The following CCT6B variants were observed in gnomAD, a reference collection of about 807,000 sequenced individuals.
CCT6B encodes probable T-complex protein 1 subunit zeta-2.
Under a neutral mutation model 61.5 loss-of-function variants are expected in CCT6B, and 49 were observed. That is an observed-to-expected ratio of 0.80 (90% confidence interval 0.63 to 1.01). CCT6B has a LOEUF of 1.01. Ranked by LOEUF, CCT6B falls within the 50% of genes least tolerant of loss-of-function variation. CCT6B has a pLI of 0.00. For missense variants in CCT6B, 666 were observed against 634.7 expected, an observed-to-expected ratio of 1.05 and a Z score of -0.53; for synonymous variants, 228 against 214.5, an observed-to-expected ratio of 1.06 and a Z score of -0.55.
intron 7 of CCT6B, among the ~76,000 whole-genome samples, chr17:34,941,873 C>T (rs527736708): frequency 4.6e-5 from 7 of 152,106 alleles, no homozygotes; most frequent in Admixed American, 2.0e-4. Context: ...CCAGCCTCTA[C>T]GAAAAAACTT....
intron 7 of CCT6B, 41 bp downstream of exon 7, chr17:34,942,443 G>C: frequency 5.3e-6 from 8 of 1,517,850 alleles, no homozygotes; most frequent in Non-Finnish European, 7.1e-6. Flanking sequence ...AAATGCTTAA[G>C]AACATTTACA....
chr17:34,931,090 T>G, intron 11 of CCT6B, 39 bp from the exon 12 acceptor site: 1 of 663,750 alleles, frequency 1.5e-6, no homozygotes, highest in Non-Finnish European at 2.2e-6. Flanking sequence ...TATATATATA[T>G]GCATAATACC....
chr17:34,961,119 C>T, intron 1 of CCT6B, 138 bp downstream of exon 1: 1 of 1,101,090 alleles, frequency 9.1e-7, no homozygotes, highest in Middle Eastern at 3.1e-4. Context: ...GCGAGAAATA[C>T]CCCCAGAGCA....
At chr17:34,932,345 T>G (rs2090044423) in intron 11 of CCT6B, 22 bp downstream of exon 11, 1 of 1,586,380 alleles carries the variant, frequency 6.3e-7, no homozygotes, top group Non-Finnish European at 8.5e-7. Context: ...CAGTTGTTAT[T>G]TGGCCGAAAG....
intron 7 of CCT6B, 57 bp downstream of exon 7, chr17:34,942,427 T>C: frequency 6.9e-7 from 1 of 1,452,932 alleles, no homozygotes; most frequent in Non-Finnish European, 9.3e-7. Flanking sequence ...CAGACCACAC[T>C]TCAAGAAATG....
chr17:34,942,753 A>C, intron 6 of CCT6B, 43 bp downstream of exon 6: 2 of 1,507,376 alleles, frequency 1.3e-6, no homozygotes, highest in South Asian at 1.2e-5. Flanking sequence ...AAACACCTTT[A>C]GAAAAAAAAA....
intron 2 of CCT6B, 52 bp downstream of exon 2, chr17:34,959,535 G>T (rs1403334998): frequency 8.0e-6 from 10 of 1,253,716 alleles, no homozygotes; most frequent in Non-Finnish European, 1.2e-5. Context: ...GTTCTACTAT[G>T]CTTCTAATTA....
At chr17:34,937,709 T>C (rs890161425) in intron 10 of CCT6B, among the ~76,000 whole-genome samples, 4 of 152,052 alleles carry the variant, frequency 2.6e-5, no homozygotes, top group African/African-American at 9.7e-5. Flanking sequence ...AATAATAAAT[T>C]AGACTTCATC....
chr17:34,951,191 A>G (rs755445049), intron 5 of CCT6B, among the ~76,000 whole-genome samples: 2 of 152,174 alleles, frequency 1.3e-5, no homozygotes, highest in Non-Finnish European at 2.9e-5. Context: ...GACAAATTAG[A>G]CTATAAACTG....
Position 34,959,340 on chromosome 17 carries a change from A to C in CCT6B, c.201+247T>G, listed in dbSNP as rs192744372. Among the ~76,000 whole-genome samples, 689 of 133,236 alleles carry C rather than the reference A, an allele frequency of 5.2e-3. 4 individuals are homozygous for C. The highest frequency in any genetic ancestry group is 0.017 in the African/African-American group (607 of 35,078). 87.4% of individuals were successfully genotyped at this position (133,236 alleles called of 152,430 possible). A position where few individuals can be genotyped will look rare whatever the true frequency, so the allele number is the denominator to read the frequency against. ...AGAGACGGTTTTCACCATGTTGCCC[A>C]GCCTGGTCTTGAACTCCTGGGCTCA... On this transcript the variant is annotated intron_variant, in intron 2 of 13. Coordinates refer to ENST00000314144, the MANE Select transcript of CCT6B (RefSeq NM_006584.4).
intron 5 of CCT6B, among the ~76,000 whole-genome samples, chr17:34,945,400 A>G (rs2090212497): frequency 6.6e-6 from 1 of 151,976 alleles, no homozygotes; most frequent in Non-Finnish European, 1.5e-5. Context: ...ATCTCCCCAA[A>G]TCTGCTCCTC....
chr17:34,949,095 G>GGAAAAGAAAA (rs142689005), intron 5 of CCT6B, among the ~76,000 whole-genome samples: 71,224 of 86,242 alleles, frequency 0.83, 30,312 homozygotes, highest in East Asian at 0.97. Context: ...GGGAGGGGAG[G>GGAAAAGAAAA]GAAAAGAAAA....
intron 1 of CCT6B, among the ~76,000 whole-genome samples, chr17:34,960,812 G>A (rs756797950): frequency 6.6e-6 from 1 of 152,154 alleles, no homozygotes; most frequent in Non-Finnish European, 1.5e-5. Context: ...CATAGACACG[G>A]GGTATTCAAG....
At chr17:34,949,455 C>T (rs1236935895) in intron 5 of CCT6B, 4 of 118,946 alleles carry the variant, frequency 3.4e-5, no homozygotes, top group Non-Finnish European at 6.6e-5. Flanking sequence ...AGAGAAACAC[C>T]ATCTCAAAAA....
rs748878069 is a variant in CCT6B, at chr17:34,958,655, C to T, written c.241G>A (p.Ala81Thr). ...HPTASLIAKV[A>T]TAQDDVTGDG... ...CCTGTGACGTCATCCTGAGCTGTTG[C>T]TACTTTTGCTATCAAGGAAGCTGTT... Residue 81 changes from alanine (A) to threonine (T), a missense_variant, in exon 3 of 14, where the codon GCA becomes ACA. Transcript: ENST00000314144. 3 of 1,601,208 alleles carry T rather than the reference C, an allele frequency of 1.9e-6. No individual in the cohort carries two copies. Among genetic ancestry groups the T allele is most frequent in the Non-Finnish European group, 1.7e-6 (2 of 1,174,358 alleles).
intron 10 of CCT6B, among the ~76,000 whole-genome samples, chr17:34,933,615 T>G (rs1000331702): frequency 6.6e-6 from 1 of 152,124 alleles, no homozygotes; most frequent in Admixed American, 6.6e-5. Context: ...AAAGAATAAA[T>G]GCACAAATAA....
intron 5 of CCT6B, among the ~76,000 whole-genome samples, chr17:34,950,734 G>A (rs2090281800): frequency 1.3e-5 from 2 of 152,060 alleles, no homozygotes; most frequent in South Asian, 4.1e-4. Flanking sequence ...TTCGAGACCA[G>A]CCTGGCCAAC....
chr17:34,953,569 G>T (rs968025599), intron 4 of CCT6B, among the ~76,000 whole-genome samples: 1 of 151,824 alleles, frequency 6.6e-6, no homozygotes, highest in Non-Finnish European at 1.5e-5. Flanking sequence ...ACCTCAGGTC[G>T]TCTCCCCACC....
At chr17:34,939,059 G>C (rs1177737896) in intron 10 of CCT6B, 124 bp downstream of exon 10, 6 of 774,376 alleles carry the variant, frequency 7.7e-6, no homozygotes, top group Non-Finnish European at 1.2e-5. Flanking sequence ...ACTAAAGCCT[G>C]GGCAACAGAG....
Sources: allele counts gnomAD v4.1 joint callset (sites outside exome capture counted in the v4.1 genomes callset), GRCh38; gene constraint gnomAD v4.1.1; transcripts MANE v1.5; gene names NCBI Gene and HGNC (gene_info 2026-07-23, HGNC 2026-07-21).